Variants in ROBO2 observed in about 807,000 individuals in gnomAD.
ROBO2 encodes the protein roundabout homolog 2.
In ROBO2, 53 loss-of-function variants were observed where a neutral mutation model predicts 160.8. The ratio of observed to expected loss-of-function variants is 0.33; its 90% CI spans 0.26 to 0.41. ROBO2 has a LOEUF of 0.41. Among genes scored for constraint, ROBO2 ranks in the 10% least tolerant of loss-of-function variants. ROBO2 has a pLI of 1.00. For missense variants in ROBO2, 1,577 were observed against 1,722.4 expected (o/e 0.92, Z 1.49); for synonymous variants, 664 against 611.7 (o/e 1.09, Z -1.26).
intron 2 of ROBO2, among the ~76,000 whole-genome samples, chr3:75,970,001 G>C (rs964827754): frequency 2.6e-5 from 4 of 151,478 alleles, no homozygotes; most frequent in African/African-American, 9.7e-5. Context: ...TTTCTTCTGG[G>C]AGTTTTATAG....
intron 2 of ROBO2, among the ~76,000 whole-genome samples, chr3:76,198,352 A>T (rs931963910): frequency 2.0e-5 from 3 of 152,180 alleles, no homozygotes; most frequent in Non-Finnish European, 4.4e-5. Context: ...ATTAACATGA[A>T]AACAGAGATC....
chr3:77,446,156 T>C (rs978940644), intron 2 of ROBO2, among the ~76,000 whole-genome samples: 2 of 152,080 alleles, frequency 1.3e-5, no homozygotes, highest in Non-Finnish European at 2.9e-5. Flanking sequence ...CTAGTCGATG[T>C]TAATAGCATC....
intron 2 of ROBO2, among the ~76,000 whole-genome samples, chr3:76,728,440 A>G (rs1184844644): frequency 6.6e-6 from 1 of 152,208 alleles, no homozygotes; most frequent in Admixed American, 6.5e-5. Context: ...CTCTTATAAT[A>G]TCAGATGTTA....
At chr3:76,083,045 T>A (rs926258965) in intron 2 of ROBO2, among the ~76,000 whole-genome samples, 4 of 151,948 alleles carry the variant, frequency 2.6e-5, no homozygotes, top group African/African-American at 9.7e-5. Flanking sequence ...TCCTTCACAG[T>A]GTGGGAGATA....
At chr3:77,037,928 G>C (rs1238229942), upstream of ROBO2, among the ~76,000 whole-genome samples, 1 of 152,072 alleles carries the variant, frequency 6.6e-6, no homozygotes, top group Admixed American at 6.5e-5. Context: ...TTTCACCCGC[G>C]TAAGGAAATT....
intron 18 of ROBO2, among the ~76,000 whole-genome samples, chr3:77,595,799 G>T (rs1003841612): frequency 5.9e-5 from 9 of 152,112 alleles, no homozygotes; most frequent in Non-Finnish European, 1.3e-4. Flanking sequence ...CAAGAAAGCG[G>T]TTGGGTCTTC....
At chr3:76,886,253 C>CA (rs367823351) in intron 2 of ROBO2, among the ~76,000 whole-genome samples, 40,271 of 140,658 alleles carry the variant, frequency 0.29, 6,281 homozygotes, top group Admixed American at 0.35. Flanking sequence ...TAACCAATTC[C>CA]AAAAAAATAT....
At chr3:77,119,221 C>T (rs376194370) in intron 2 of ROBO2, among the ~76,000 whole-genome samples, 2 of 152,308 alleles carry the variant, frequency 1.3e-5, no homozygotes, top group East Asian at 1.9e-4. Flanking sequence ...GTCAATTAAA[C>T]CTCTTTTCTT....
intron 2 of ROBO2, among the ~76,000 whole-genome samples, chr3:76,976,284 A>G (rs1437499523): frequency 6.6e-6 from 1 of 152,206 alleles, no homozygotes; most frequent in African/African-American, 2.4e-5. Context: ...TTTGGACACA[A>G]TACCCCATAG....
At chr3:77,274,036 T>C (rs1437320954) in intron 2 of ROBO2, among the ~76,000 whole-genome samples, 2 of 152,198 alleles carry the variant, frequency 1.3e-5, no homozygotes, top group African/African-American at 4.8e-5. Flanking sequence ...TTAATGAAGT[T>C]ATTAATAAAA....
chr3:76,508,432 C>T (rs1369823802), intron 2 of ROBO2, among the ~76,000 whole-genome samples: 3 of 152,060 alleles, frequency 2.0e-5, no homozygotes, highest in Non-Finnish European at 4.4e-5. Context: ...ATAATACATT[C>T]CTTGCAACAA....
chr3:76,454,484 G>A (rs558332573), intron 2 of ROBO2, among the ~76,000 whole-genome samples: 38 of 152,252 alleles, frequency 2.5e-4, no homozygotes, highest in African/African-American at 8.9e-4. Context: ...ATTAAAAGGT[G>A]GTTGGAGATC....
chr3:76,006,581 T>G (rs575537281), intron 2 of ROBO2, among the ~76,000 whole-genome samples: 1 of 152,228 alleles, frequency 6.6e-6, no homozygotes, highest in African/African-American at 2.4e-5. Context: ...AGATTGATAG[T>G]TTATTACATC....
chr3:76,139,879 C>T (rs559055553), intron 2 of ROBO2, among the ~76,000 whole-genome samples: 5 of 152,100 alleles, frequency 3.3e-5, no homozygotes, highest in Admixed American at 6.6e-5. Flanking sequence ...TTCTTCCAAG[C>T]GTCAGCTGGA....
At chr3:77,444,145 A>T (rs897296760) in intron 2 of ROBO2, among the ~76,000 whole-genome samples, 4 of 152,160 alleles carry the variant, frequency 2.6e-5, no homozygotes, top group South Asian at 2.1e-4. Flanking sequence ...AAGTAAATTC[A>T]AGAATACTAT....
At chr3:76,288,666 G>T (rs932469223) in intron 2 of ROBO2, among the ~76,000 whole-genome samples, 1 of 151,984 alleles carries the variant, frequency 6.6e-6, no homozygotes, top group Admixed American at 6.6e-5. Flanking sequence ...ATAGGCCCCA[G>T]TGTCTATTGT....
chr3:76,657,014 C>A lies in ROBO2; in HGVS notation c.110-441000C>A, dbSNP rs190924639. Among the ~76,000 whole-genome samples, 5 of 152,256 alleles carry A rather than the reference C, an allele frequency of 3.3e-5. No individual in the cohort carries two copies. In the East Asian group the frequency reaches 9.6e-4, roughly 29 times the overall value. On this transcript the variant is annotated intron_variant, in intron 2 of 26. Transcript: ENST00000487694. The stretch of plus-strand genomic sequence containing the variant: ...CAAATGCTAATCAAGTCTCTAAGCA[C>A]CTTGCTTAGTTTTCCTTTTTCTCTT...
intron 16 of ROBO2, among the ~76,000 whole-genome samples, chr3:77,585,687 C>A (rs1363777454): frequency 6.6e-6 from 1 of 151,960 alleles, no homozygotes; most frequent in Non-Finnish European, 1.5e-5. Context: ...AGATTTATTT[C>A]TTTTTAATAT....
chr3:76,762,111 T>A (rs2108386291), intron 2 of ROBO2, among the ~76,000 whole-genome samples: 1 of 151,750 alleles, frequency 6.6e-6, no homozygotes, highest in Non-Finnish European at 1.5e-5. Context: ...GATTCTGAGA[T>A]TAATATTCAT....
Sources: allele counts gnomAD v4.1 joint callset (sites outside exome capture counted in the v4.1 genomes callset), GRCh38; gene constraint gnomAD v4.1.1; transcripts MANE v1.5; gene names NCBI Gene and HGNC (gene_info 2026-07-23, HGNC 2026-07-21).